NIBAN1: variants seen among roughly 807,000 people sequenced by gnomAD.
NIBAN1 encodes protein Niban 1.
Under a neutral mutation model 75.1 loss-of-function variants are expected in NIBAN1, and 81 were observed. The observed-to-expected ratio is 1.08, with a 90% CI of 0.90 to 1.30. The LOEUF is 1.30. Among genes scored for constraint, NIBAN1 ranks in the 50% most tolerant of loss-of-function variants. The pLI, the probability that NIBAN1 is intolerant of heterozygous loss-of-function variation, is 0.00. For missense variants in NIBAN1, 1,133 were observed against 1,128.1 expected, an observed-to-expected ratio of 1.00 and a Z score of -0.06; for synonymous variants, 436 against 424.8, an observed-to-expected ratio of 1.03 and a Z score of -0.32.
intron 5 of NIBAN1, among the ~76,000 whole-genome samples, chr1:184,873,174 A>G (rs1179122156): frequency 6.6e-6 from 1 of 152,224 alleles, no homozygotes; most frequent in Non-Finnish European, 1.5e-5. Flanking sequence ...TTTTCTCATG[A>G]GAGAATGAGA....
At chr1:184,833,854 T>G (rs1655063320) in intron 5 of NIBAN1, among the ~76,000 whole-genome samples, 1 of 151,586 alleles carries the variant, frequency 6.6e-6, no homozygotes, top group Admixed American at 6.5e-5. Context: ...TGAAAATTTT[T>G]TCTTTTTTTT....
chr1:184,839,268 A>G (rs1265289842), intron 5 of NIBAN1, among the ~76,000 whole-genome samples: 14 of 152,168 alleles, frequency 9.2e-5, no homozygotes, highest in Admixed American at 9.2e-4. Context: ...TCCTGTTATA[A>G]CAGTTTATCA....
chr1:184,933,408 G>C (rs903062007), intron 1 of NIBAN1, among the ~76,000 whole-genome samples: 6 of 152,198 alleles, frequency 3.9e-5, no homozygotes, highest in African/African-American at 1.4e-4. Context: ...TTTTGGATCT[G>C]CCAAACCACC....
At chr1:184,870,559 G>A (rs908360698) in intron 5 of NIBAN1, among the ~76,000 whole-genome samples, 3 of 152,056 alleles carry the variant, frequency 2.0e-5, no homozygotes, top group African/African-American at 7.2e-5. Context: ...AGCCCAAGAA[G>A]GTGGCTTTTG....
At position 184,803,829 on chromosome 1, in the gene NIBAN1, G is replaced by A. The variant is rs568994512; in HGVS notation, c.1447-137C>T. On this transcript the variant is annotated intron_variant, in intron 11 of 13. Coordinates refer to ENST00000367511, the MANE Select transcript of NIBAN1 (RefSeq NM_052966.4). ...ACTCTTGTATTTCCAAGGCCTCAGA[G>A]ATCTTTCCATGTAATTCCCTCACAC... 59 of 677,124 alleles carry A rather than the reference G, an allele frequency of 8.7e-5. No homozygotes were observed. The Admixed American group carries it at 1.5e-3, about 17-fold the overall frequency. 41.9% of individuals were successfully genotyped at this position (677,124 alleles called of 1,614,324 possible).
chr1:184,896,472 T>C (rs961997373), intron 2 of NIBAN1, among the ~76,000 whole-genome samples: 3 of 152,140 alleles, frequency 2.0e-5, no homozygotes, highest in Admixed American at 6.5e-5. Context: ...AATTTGCAAA[T>C]ATTTCTCCCA....
chr1:184,940,205 A>T (rs1658054921), intron 1 of NIBAN1, among the ~76,000 whole-genome samples: 2 of 152,228 alleles, frequency 1.3e-5, no homozygotes, highest in South Asian at 4.1e-4. Flanking sequence ...CTACCCAGAG[A>T]TGATGTTGAC....
intron 1 of NIBAN1, among the ~76,000 whole-genome samples, chr1:184,943,853 G>T (rs188584362): frequency 6.6e-6 from 1 of 152,184 alleles, no homozygotes; most frequent in East Asian, 1.9e-4. Flanking sequence ...AGACACCGAG[G>T]TGATATAACA....
chr1:184,961,057 CTTTTTTTTTT>C (rs1168955438), intron 1 of NIBAN1, among the ~76,000 whole-genome samples: 4 of 57,808 alleles, frequency 6.9e-5, no homozygotes, highest in African/African-American at 2.8e-4. Context: ...ATATGCCGTT[CTTTTTTTTTT>C]TTTTTTTTTT....
intron 6 of NIBAN1, among the ~76,000 whole-genome samples, chr1:184,826,666 AAAT>A (rs1654849614): frequency 6.6e-6 from 1 of 152,236 alleles, no homozygotes; most frequent in Admixed American, 6.5e-5. Context: ...CATAAGTGTG[AAAT>A]GGGTTTGAAA....
intron 2 of NIBAN1, 136 bp downstream of exon 2, chr1:184,899,043 T>C: frequency 1.0e-6 from 1 of 953,172 alleles, no homozygotes. Context: ...GCAAATAGAG[T>C]TTTTTGAGCA....
At chr1:184,950,273 C>A (rs1235750937) in intron 1 of NIBAN1, among the ~76,000 whole-genome samples, 1 of 152,116 alleles carries the variant, frequency 6.6e-6, no homozygotes, top group Non-Finnish European at 1.5e-5. Flanking sequence ...AGAAGGTGCA[C>A]GACTTTTTTC....
chr1:184,889,420 A>G (rs1249931445), intron 4 of NIBAN1, among the ~76,000 whole-genome samples: 1 of 152,234 alleles, frequency 6.6e-6, no homozygotes, highest in Non-Finnish European at 1.5e-5. Context: ...CTTTATTTAT[A>G]GATATGCAAA....
rs149278479 is a variant in NIBAN1, at chr1:184,946,017, G to T, written c.55+28285C>A. On this transcript the variant is annotated intron_variant, in intron 1 of 13. Transcript: ENST00000367511. ...TGGGATTAAAAAAAAAAAAGAAAGAGGGGCTCCTCAAGAACAAATGCAAGA... is the reference window on the plus strand; with the variant it reads ...TGGGATTAAAAAAAAAAAAGAAAGATGGGCTCCTCAAGAACAAATGCAAGA... Among the ~76,000 whole-genome samples, 185 of 151,738 alleles carry T rather than the reference G, an allele frequency of 1.2e-3. 2 individuals are homozygous for T. Among genetic ancestry groups the T allele is most frequent in the African/African-American group, 4.3e-3 (179 of 41,364 alleles).
At chr1:184,954,621 C>T (rs980189446) in intron 1 of NIBAN1, among the ~76,000 whole-genome samples, 6 of 152,186 alleles carry the variant, frequency 3.9e-5, no homozygotes, top group African/African-American at 1.4e-4. Context: ...GTTGAAAATA[C>T]ATCAGATTGG....
At chr1:184,916,691 T>C (rs1657393526) in intron 1 of NIBAN1, among the ~76,000 whole-genome samples, 1 of 152,088 alleles carries the variant, frequency 6.6e-6, no homozygotes, top group Non-Finnish European at 1.5e-5. Context: ...TTTATATTTA[T>C]AATAAGACAA....
At chr1:184,833,119 A>G (rs950391781) in intron 5 of NIBAN1, among the ~76,000 whole-genome samples, 2 of 151,732 alleles carry the variant, frequency 1.3e-5, no homozygotes, top group African/African-American at 4.8e-5. Context: ...GAGGCAGCTG[A>G]TTTGGGGGGT....
intron 6 of NIBAN1, among the ~76,000 whole-genome samples, chr1:184,827,164 T>C (rs1412803887): frequency 1.3e-5 from 2 of 152,152 alleles, no homozygotes; most frequent in East Asian, 1.9e-4. Context: ...ATTAAAACCC[T>C]TTTTCTTTAT....
chr1:184,941,251 C>A (rs1658080373), intron 1 of NIBAN1, among the ~76,000 whole-genome samples: 1 of 152,192 alleles, frequency 6.6e-6, no homozygotes, highest in Admixed American at 6.5e-5. Context: ...TCTAGATATA[C>A]AATCATGTCA....
Sources: gnomAD v4.1 joint callset for allele counts (sites outside exome capture counted in the v4.1 genomes callset) on GRCh38, gnomAD v4.1.1 for gene constraint, MANE v1.5 for transcripts, NCBI Gene and HGNC (gene_info 2026-07-23, HGNC 2026-07-21) for gene names.